The following CEP350 variants were observed in gnomAD, a reference collection of about 807,000 sequenced individuals.
CEP350 encodes the protein centrosomal protein 350.
A neutral mutation model predicts 331.8 loss-of-function variants in CEP350; 126 were observed. That is an observed-to-expected ratio of 0.38 (90% CI 0.33 to 0.44). The LOEUF (loss-of-function observed/expected upper bound fraction) is 0.44, where lower values mean the gene tolerates loss of function less well. CEP350 is among the 20% of genes least tolerant of loss of function. CEP350 has a pLI of 1.00. For missense variants in CEP350, 3,406 were observed against 3,634.6 expected, an observed-to-expected ratio of 0.94 and a Z score of 1.62; for synonymous variants, 1,200 against 1,259.5, an observed-to-expected ratio of 0.95 and a Z score of 1.00.
intron 8 of CEP350, among the ~76,000 whole-genome samples, chr1:180,011,349 AT>A (rs919682078): frequency 2.0e-5 from 3 of 152,298 alleles, no homozygotes; most frequent in African/African-American, 7.2e-5. Context: ...AAGCAAACAT[AT>A]TATTTTATCA....
intron 1 of CEP350, among the ~76,000 whole-genome samples, chr1:179,964,497 G>A (rs377710542): frequency 5.7e-4 from 87 of 152,120 alleles, no homozygotes; most frequent in African/African-American, 2.0e-3. Context: ...GGCTGTGAAT[G>A]CATCTGATCC....
intron 31 of CEP350, chr1:180,087,309 GTA>G: frequency 4.4e-6 from 1 of 229,046 alleles, no homozygotes; most frequent in Middle Eastern, 1.5e-3. Context: ...TTGCTTCATA[GTA>G]TTAAACTTCT....
At chr1:180,070,305 A>G (rs925971553) in intron 27 of CEP350, among the ~76,000 whole-genome samples, 6 of 152,194 alleles carry the variant, frequency 3.9e-5, no homozygotes, top group Non-Finnish European at 8.8e-5. Flanking sequence ...CTTAAAATTT[A>G]GTTTATAATT....
Position 180,020,477 on chromosome 1 carries a change from A to C in CEP350, c.2703A>C (p.Val901=). 1 of 1,614,020 alleles carries C rather than the reference A, an allele frequency of 6.2e-7. No individual in the cohort carries two copies. The highest frequency in any genetic ancestry group is 1.1e-5 in the South Asian group (1 of 91,086). Residue 901 remains valine, a synonymous_variant, in exon 12 of 38, where the codon GTA becomes GTC. Coordinates refer to ENST00000367607, the MANE Select transcript of CEP350 (RefSeq NM_014810.5). ...ARIQKMLGSC[V]SHATFDDDLP... The stretch of plus-strand genomic sequence containing the variant: ...TTCAGAAGATGCTGGGAAGCTGTGT[A>C]TCTCATGCAACTTTTGATGATGATC...
intron 30 of CEP350, among the ~76,000 whole-genome samples, chr1:180,082,499 G>A (rs1450527017): frequency 7.2e-5 from 11 of 152,124 alleles, no homozygotes; most frequent in African/African-American, 2.4e-4. Flanking sequence ...ATTTTTGGTA[G>A]AGATGGGGTT....
At position 180,014,217 on chromosome 1, in the gene CEP350, G is replaced by C. The variant is rs1426174402; in HGVS notation, c.1764G>C (p.Arg588Ser). ...ANEDPPVISKRRHYDTDEVRQ... is the reference protein window; with the variant it reads ...ANEDPPVISKSRHYDTDEVRQ... ...AAGATCCCCCTGTTATTTCCAAAAG[G>C]CGCCACTATGACACAGATGAGGTAC... is the stretch of plus-strand genomic sequence containing the variant. The change falls in exon 10 of 38, where the codon AGG (arginine) becomes AGC (serine). Residue 588 changes from arginine (R) to serine (S), a missense_variant. By Grantham distance (110) the Arg-to-Ser change is moderately radical. This residue lies in a region of CEP350 where 1,857 missense variants were observed against 1,909.2 expected (regional missense o/e 0.97). Coordinates refer to ENST00000367607, the MANE Select transcript of CEP350 (RefSeq NM_014810.5). 2.5e-6 allele frequency: 4 copies of C among 1,610,718 alleles called. No homozygotes were observed. The highest frequency in any genetic ancestry group is 3.4e-6 in the Non-Finnish European group (4 of 1,178,572).
chr1:180,108,988 G>A (rs1377751728), intron 37 of CEP350, among the ~76,000 whole-genome samples: 1 of 152,146 alleles, frequency 6.6e-6, no homozygotes, highest in Non-Finnish European at 1.5e-5. Context: ...TCCAGCCAAG[G>A]ATATATGTTG....
chr1:180,077,855 T>C (rs1394252198), intron 28 of CEP350, among the ~76,000 whole-genome samples: 1 of 151,806 alleles, frequency 6.6e-6, no homozygotes, highest in Non-Finnish European at 1.5e-5. Flanking sequence ...TATATGAGGC[T>C]GGGCATGGTG....
intron 31 of CEP350, 198 bp downstream of exon 31, chr1:180,084,376 T>C (rs1299259248): frequency 7.4e-6 from 3 of 405,950 alleles, no homozygotes; most frequent in African/African-American, 6.3e-5. Context: ...TTTATTTATT[T>C]ATTTTTGAGA....
intron 27 of CEP350, among the ~76,000 whole-genome samples, chr1:180,066,319 G>A (rs1215108517): frequency 6.6e-6 from 1 of 152,170 alleles, no homozygotes; most frequent in East Asian, 1.9e-4. Flanking sequence ...ATATGGAAGA[G>A]ACTCATTAGA....
At chr1:180,101,286 A>AT (rs368037580) in intron 37 of CEP350, among the ~76,000 whole-genome samples, 78 of 148,622 alleles carry the variant, frequency 5.2e-4, no homozygotes, top group African/African-American at 1.2e-3. Flanking sequence ...GTTCTTCTTA[A>AT]TTTTTTTTTT....
rs181883479 is a variant in CEP350 at position 180,074,399 on chromosome 1, C to T, written c.5568-623C>T. 1.1e-3 allele frequency among the ~76,000 whole-genome samples: 168 copies of T among 152,160 alleles called. 1 individual carries two copies. The highest frequency in any genetic ancestry group is 4.1e-3 in the Admixed American group (62 of 15,286). Reference sequence around the variant, plus strand: ...GTAAATAAATAGTTACGTTTATATGCATAAGACATGGACTGTGGTACTCAG... The same window carrying T: ...GTAAATAAATAGTTACGTTTATATGTATAAGACATGGACTGTGGTACTCAG... On this transcript the variant is annotated intron_variant, in intron 27 of 37. Transcript: ENST00000367607.
chr1:180,070,036 C>CTTGA (rs1658788572), intron 27 of CEP350, among the ~76,000 whole-genome samples: 1 of 152,148 alleles, frequency 6.6e-6, no homozygotes, highest in African/African-American at 2.4e-5. Context: ...TTTTGGGGAT[C>CTTGA]TTGAGTTCGC....
intron 20 of CEP350, 89 bp downstream of exon 20, chr1:180,043,281 T>G: frequency 7.0e-7 from 1 of 1,421,072 alleles, no homozygotes; most frequent in Non-Finnish European, 9.4e-7. Context: ...TTTGTTGTTA[T>G]AGGCATTATT....
chr1:179,991,707 G>GTTTGTGTGTA (rs1385981536), intron 4 of CEP350, among the ~76,000 whole-genome samples: 1 of 96,942 alleles, frequency 1.0e-5, no homozygotes, highest in Non-Finnish European at 2.0e-5. Context: ...GTGTGTGTGT[G>GTTTGTGTGTA]TATATATATA....
At chr1:180,106,934 A>C (rs1408603964) in intron 37 of CEP350, among the ~76,000 whole-genome samples, 2 of 151,400 alleles carry the variant, frequency 1.3e-5, no homozygotes, top group African/African-American at 4.9e-5. Context: ...AACCTTATTT[A>C]TTCCTTCATC....
At chr1:179,974,655 A>C (rs1651716633) in intron 1 of CEP350, among the ~76,000 whole-genome samples, 1 of 152,206 alleles carries the variant, frequency 6.6e-6, no homozygotes, top group African/African-American at 2.4e-5. Flanking sequence ...ATTATGTATG[A>C]TATATGTATG....
At position 180,020,482 on chromosome 1, in the gene CEP350, A is replaced by ATGC; in HGVS notation, c.2709_2711dup (p.Ala904dup). The stretch of plus-strand genomic sequence containing the variant: ...AAGATGCTGGGAAGCTGTGTATCTC[A>ATGC]TGCAACTTTTGATGATGATCTTCCT... On this transcript the variant is annotated inframe_insertion, in exon 12 of 38. Transcript: ENST00000367607. 1 of 1,611,180 alleles carries ATGC rather than the reference A, an allele frequency of 6.2e-7. No individual in the cohort carries two copies. The highest frequency in any genetic ancestry group is 8.5e-7 in the Non-Finnish European group (1 of 1,177,370).
chr1:180,095,398 T>C, intron 34 of CEP350, 125 bp from the exon 35 acceptor site: 1 of 1,158,424 alleles, frequency 8.6e-7, no homozygotes, highest in East Asian at 2.6e-5. Flanking sequence ...CATATTGTTT[T>C]TTATTCTGCT....
Sources: gnomAD v4.1 joint callset for allele counts (sites outside exome capture counted in the v4.1 genomes callset) on GRCh38, gnomAD v4.1.1 for gene constraint, gnomAD v4.1.1 regional missense constraint, MANE v1.5 for transcripts, NCBI Gene and HGNC (gene_info 2026-07-23, HGNC 2026-07-21) for gene names.